The following DLGAP2 variants were observed in gnomAD, a reference collection of about 807,000 sequenced individuals.
The protein encoded by DLGAP2 is DLG associated protein 2.
Under a neutral mutation model 100.3 loss-of-function variants are expected in DLGAP2, and 26 were observed. The observed-to-expected ratio is 0.26, with a 90% CI of 0.19 to 0.36. The LOEUF (loss-of-function observed/expected upper bound fraction) is 0.36, where lower values mean the gene tolerates loss of function less well. DLGAP2 is among the 10% of genes least tolerant of loss of function. The probability of loss-of-function intolerance (pLI) is 1.00; values close to 1 mark genes in which losing one functional copy is unlikely to be tolerated. For synonymous variants in DLGAP2, 886 were observed against 630.1 expected (o/e 1.41, Z -6.08); for missense variants, 1,858 against 1,453.2 (o/e 1.28, Z -4.53).
intron 2 of DLGAP2, among the ~76,000 whole-genome samples, chr8:1,213,347 C>T (rs1585157850): frequency 6.6e-6 from 1 of 152,292 alleles, no homozygotes; most frequent in Non-Finnish European, 1.5e-5. Flanking sequence ...AATTAAATTT[C>T]ATCAAATGCC....
chr8:1,125,081 T>C (rs566163936), intron 2 of DLGAP2, among the ~76,000 whole-genome samples: 6 of 152,242 alleles, frequency 3.9e-5, no homozygotes, highest in Non-Finnish European at 8.8e-5. Flanking sequence ...TGTCTTTGCA[T>C]TCCATAAGAC....
intron 2 of DLGAP2, among the ~76,000 whole-genome samples, chr8:1,059,800 C>CA (rs1174597268): frequency 2.6e-5 from 4 of 152,160 alleles, no homozygotes; most frequent in Admixed American, 6.5e-5. Flanking sequence ...CCAGGACAGA[C>CA]AGAGACACGC....
At chr8:828,707 G>C (rs1016232381) in intron 1 of DLGAP2, among the ~76,000 whole-genome samples, 2 of 152,164 alleles carry the variant, frequency 1.3e-5, no homozygotes, top group Non-Finnish European at 2.9e-5. Context: ...AGTGATAAGT[G>C]TCCATGAAAT....
chr8:1,593,409 C>G (rs529190905), intron 6 of DLGAP2, among the ~76,000 whole-genome samples: 8 of 151,908 alleles, frequency 5.3e-5, no homozygotes, highest in African/African-American at 1.7e-4. Context: ...GAGCCGAGAT[C>G]GCGCCACTGC....
intron 4 of DLGAP2, among the ~76,000 whole-genome samples, chr8:1,507,757 A>C (rs546336968): frequency 1.5e-4 from 23 of 151,910 alleles, no homozygotes; most frequent in Admixed American, 1.4e-3. Context: ...GTCCTCAGCC[A>C]CCGAGTCTTC....
intron 2 of DLGAP2, among the ~76,000 whole-genome samples, chr8:1,190,671 C>T (rs981051458): frequency 9.8e-5 from 15 of 152,292 alleles, no homozygotes; most frequent in African/African-American, 3.6e-4. Flanking sequence ...TTATCCTCAT[C>T]CTCCCAACCC....
intron 3 of DLGAP2, among the ~76,000 whole-genome samples, chr8:1,469,223 C>T (rs1798713248): frequency 6.6e-6 from 1 of 152,244 alleles, no homozygotes; most frequent in African/African-American, 2.4e-5. Context: ...AGCTCCTGCA[C>T]AGTGAAGGGT....
At chr8:1,333,825 A>G (rs996761610) in intron 3 of DLGAP2, among the ~76,000 whole-genome samples, 1 of 152,256 alleles carries the variant, frequency 6.6e-6, no homozygotes, top group Non-Finnish European at 1.5e-5. Context: ...GAACTTATCT[A>G]GCAGAGCAGG....
At chr8:1,080,997 C>A (rs538424632) in intron 2 of DLGAP2, among the ~76,000 whole-genome samples, 1 of 152,246 alleles carries the variant, frequency 6.6e-6, no homozygotes, top group Non-Finnish European at 1.5e-5. Context: ...CATATTACCT[C>A]ATTAGCATAC....
intron 8 of DLGAP2, among the ~76,000 whole-genome samples, chr8:1,660,172 C>T (rs1798377578): frequency 6.6e-6 from 1 of 152,138 alleles, no homozygotes; most frequent in Non-Finnish European, 1.5e-5. Context: ...TATTGGCCCC[C>T]ACTCTCTTCT....
chr8:1,009,236 C>G (rs961664820), intron 2 of DLGAP2, among the ~76,000 whole-genome samples: 2 of 152,226 alleles, frequency 1.3e-5, no homozygotes, highest in Non-Finnish European at 2.9e-5. Context: ...TTCCTCCCCT[C>G]CTTCAGTGGA....
At chr8:1,559,824 G>T (rs550370302) in intron 5 of DLGAP2, among the ~76,000 whole-genome samples, 17 of 152,306 alleles carry the variant, frequency 1.1e-4, no homozygotes, top group African/African-American at 4.1e-4. Context: ...CCCAGGAACT[G>T]GGTGGCCGGG....
intron 1 of DLGAP2, among the ~76,000 whole-genome samples, chr8:740,781 C>T (rs905954522): frequency 6.6e-6 from 1 of 152,064 alleles, no homozygotes; most frequent in African/African-American, 2.4e-5. Context: ...CTTCATGACT[C>T]CTCAGTTATC....
intron 6 of DLGAP2, among the ~76,000 whole-genome samples, chr8:1,592,141 C>T (rs778281772): frequency 4.6e-5 from 7 of 152,218 alleles, no homozygotes; most frequent in African/African-American, 1.4e-4. Context: ...CCCCAGCACA[C>T]GCCCGCCCAG....
intron 6 of DLGAP2, among the ~76,000 whole-genome samples, chr8:1,576,390 T>G (rs528705779): frequency 2.2e-4 from 33 of 152,364 alleles, no homozygotes; most frequent in African/African-American, 7.9e-4. Flanking sequence ...ATGAGTAGAT[T>G]GCAAAAATTT....
intron 2 of DLGAP2, among the ~76,000 whole-genome samples, chr8:1,027,412 T>C (rs1300311133): frequency 4.3e-5 from 5 of 117,124 alleles, no homozygotes; most frequent in South Asian, 3.0e-4. Flanking sequence ...GGTGGGGTGC[T>C]CGGTGCCTGT....
At chr8:1,077,496 G>A (rs1404676086) in intron 2 of DLGAP2, among the ~76,000 whole-genome samples, 2 of 152,146 alleles carry the variant, frequency 1.3e-5, no homozygotes, top group African/African-American at 4.8e-5. Context: ...TGGACTTTTA[G>A]GTGAACATCA....
intron 1 of DLGAP2, among the ~76,000 whole-genome samples, chr8:898,360 C>T (rs1184433477): frequency 6.6e-6 from 1 of 152,198 alleles, no homozygotes; most frequent in Non-Finnish European, 1.5e-5. Context: ...CACGCATCTC[C>T]TCGGGCTGAA....
chr8:1,079,451 G>C (rs929245048), intron 2 of DLGAP2, among the ~76,000 whole-genome samples: 1 of 152,138 alleles, frequency 6.6e-6, no homozygotes, highest in African/African-American at 2.4e-5. Context: ...AAAAATTAAA[G>C]TCAGATTAGC....
Sources: gnomAD v4.1 joint callset for allele counts (sites outside exome capture counted in the v4.1 genomes callset) on GRCh38, gnomAD v4.1.1 for gene constraint, MANE v1.5 for transcripts, NCBI Gene and HGNC (gene_info 2026-07-23, HGNC 2026-07-21) for gene names.